The following ACSM6 variants were observed in gnomAD, a reference collection of about 807,000 sequenced individuals.
ACSM6 encodes acyl-coenzyme A synthetase ACSM6, mitochondrial.
ACSM6 carries 35 observed loss-of-function variants against 51.1 expected under a neutral mutation model. The ratio of observed to expected loss-of-function variants is 0.69; its 90% CI spans 0.52 to 0.91. ACSM6 has a LOEUF of 0.91. ACSM6 is among the 40% of genes least tolerant of loss of function. ACSM6 has a pLI of 0.00. For missense variants in ACSM6, 509 were observed against 584.1 expected, an observed-to-expected ratio of 0.87 and a Z score of 1.32; for synonymous variants, 172 against 207.3, an observed-to-expected ratio of 0.83 and a Z score of 1.46.
chr10:95,198,253 A>G (rs1471607210), intron 2 of ACSM6, among the ~76,000 whole-genome samples: 3 of 152,170 alleles, frequency 2.0e-5, no homozygotes, highest in African/African-American at 7.2e-5. Context: ...CAGGAAGCCA[A>G]AGAATTTGGA....
chr10:95,225,254 G>T (rs1290478122), intron 9 of ACSM6, 36 bp from the exon 10 acceptor site: 6 of 1,419,350 alleles, frequency 4.2e-6, no homozygotes, highest in Non-Finnish European at 5.8e-6. Flanking sequence ...CAAGTGGTTT[G>T]TAAGGAAAAT....
intron 8 of ACSM6, among the ~76,000 whole-genome samples, chr10:95,217,689 C>T (rs1203681548): frequency 6.6e-6 from 1 of 152,180 alleles, no homozygotes; most frequent in Non-Finnish European, 1.5e-5. Flanking sequence ...CTAAGAAAAC[C>T]TCAGACTGTG....
At chr10:95,220,394 T>C (rs1335492758) in intron 9 of ACSM6, among the ~76,000 whole-genome samples, 2 of 152,234 alleles carry the variant, frequency 1.3e-5, no homozygotes, top group African/African-American at 4.8e-5. Flanking sequence ...TTATAAATAC[T>C]GTAATGTGAT....
chr10:95,207,494 T>C, intron 4 of ACSM6, 79 bp downstream of exon 4: 1 of 1,428,544 alleles, frequency 7.0e-7, no homozygotes, highest in Admixed American at 1.7e-5. Flanking sequence ...GAGAAAGTGG[T>C]GTGAGTGGTC....
At chr10:95,194,438 T>G in intron 1 of ACSM6, 27 bp from the exon 2 acceptor site, 1 of 1,507,678 alleles carries the variant, frequency 6.6e-7, no homozygotes, top group Non-Finnish European at 9.0e-7. Context: ...GCTCAATTAC[T>G]CCCTGTCTTT....
intron 3 of ACSM6, among the ~76,000 whole-genome samples, chr10:95,202,610 T>C (rs1327422971): frequency 6.6e-6 from 1 of 152,044 alleles, no homozygotes; most frequent in East Asian, 1.9e-4. Context: ...TGGGCCTCAG[T>C]TTCCCCATCT....
chr10:95,195,448 T>C (rs1336459820), intron 2 of ACSM6, among the ~76,000 whole-genome samples: 1 of 152,094 alleles, frequency 6.6e-6, no homozygotes. Context: ...GGAAGAGTAT[T>C]GAGTTATGAG....
chr10:95,212,080 A>T (rs1364684641), intron 6 of ACSM6, 46 bp downstream of exon 6: 1 of 1,608,996 alleles, frequency 6.2e-7, no homozygotes, highest in Admixed American at 1.7e-5. Context: ...AAGGCCAGAG[A>T]GAGGCATTAG....
At chr10:95,204,415 G>A (rs1287034869) in intron 3 of ACSM6, among the ~76,000 whole-genome samples, 1 of 152,030 alleles carries the variant, frequency 6.6e-6, no homozygotes, top group Non-Finnish European at 1.5e-5. Flanking sequence ...TTAGCCAGAC[G>A]TGATGGTGGG....
At chr10:95,221,090 A>G (rs2034990870) in intron 9 of ACSM6, among the ~76,000 whole-genome samples, 1 of 152,294 alleles carries the variant, frequency 6.6e-6, no homozygotes, top group Admixed American at 6.5e-5. Flanking sequence ...ATAAACAAAA[A>G]TGAAATAAAT....
chr10:95,209,260 C>T (rs561896756), intron 4 of ACSM6, among the ~76,000 whole-genome samples: 2 of 152,050 alleles, frequency 1.3e-5, no homozygotes, highest in Non-Finnish European at 2.9e-5. Context: ...GAGGTGGGAG[C>T]GAGCTTAAAC....
At chr10:95,226,858 T>C (rs2035044609) in intron 10 of ACSM6, among the ~76,000 whole-genome samples, 3 of 152,218 alleles carry the variant, frequency 2.0e-5, no homozygotes. Context: ...ACATTTGATG[T>C]GTATATATCC....
chr10:95,228,428 T>C, intron 10 of ACSM6: 1 of 456,594 alleles, frequency 2.2e-6, no homozygotes, highest in Non-Finnish European at 3.7e-6. Flanking sequence ...CTCTTGTTTC[T>C]AGCTGGGACA....
rs187694129 is a variant in ACSM6, at chr10:95,216,956, A to C, written c.1119+1981A>C. Among the ~76,000 whole-genome samples, 248 of 152,318 alleles carry C rather than the reference A, an allele frequency of 1.6e-3. 1 individual carries two copies. Among genetic ancestry groups the C allele is most frequent in the African/African-American group, 5.3e-3 (219 of 41,554 alleles). On this transcript the variant is annotated intron_variant, in intron 8 of 10. Coordinates refer to ENST00000341686, the Ensembl canonical transcript of ACSM6. ...TAAGCAGGAAAGCTTATATGATGGA[A>C]ACACCACAGATAAGAATGTAGAGCT...
intron 10 of ACSM6, 188 bp from the exon 11 acceptor site, chr10:95,228,456 G>C (rs931188190): frequency 1.9e-6 from 1 of 526,454 alleles, no homozygotes; most frequent in Non-Finnish European, 3.2e-6. Context: ...AAAAGCTGAA[G>C]TTAAGAGAAA....
intron 9 of ACSM6, among the ~76,000 whole-genome samples, chr10:95,223,089 A>AT (rs2035008839): frequency 6.6e-6 from 1 of 151,872 alleles, no homozygotes; most frequent in African/African-American, 2.4e-5. Context: ...TGAAAGAGAT[A>AT]TTTTTTAATT....
intron 3 of ACSM6, among the ~76,000 whole-genome samples, chr10:95,205,119 C>A (rs1053098146): frequency 6.6e-6 from 1 of 152,140 alleles, no homozygotes; most frequent in Admixed American, 6.5e-5. Flanking sequence ...TTTTAAACTA[C>A]GCTGACATTA....
rs181758012 is a variant in ACSM6, at chr10:95,207,061, C to T, written c.404-147C>T. 1.1e-4 allele frequency: 73 copies of T among 688,364 alleles called. No homozygotes were observed. The African/African-American group carries it at 1.2e-3, about 11-fold the overall frequency. The allele number at this position is 688,364 out of a possible 1,614,324, so 42.6% of individuals were successfully genotyped here. A position where few individuals can be genotyped will look rare whatever the true frequency, so the allele number is the denominator to read the frequency against. On this transcript the variant is annotated intron_variant, in intron 3 of 10. Coordinates refer to ENST00000341686, the Ensembl canonical transcript of ACSM6. ...CCTGCCTGTCTCAGTTTTCCCCAGT[C>T]GCCATCGTGTTACTGACCCAATAGA...
chr10:95,220,017 T>A (rs2034982056), intron 9 of ACSM6, 46 bp downstream of exon 9: 1 of 1,475,238 alleles, frequency 6.8e-7, no homozygotes, highest in East Asian at 2.3e-5. Context: ...TTAAGTGAGC[T>A]CTTACAGTTG....
Sources: allele counts gnomAD v4.1 joint callset (sites outside exome capture counted in the v4.1 genomes callset), GRCh38; gene constraint gnomAD v4.1.1; transcripts MANE v1.5; gene names NCBI Gene and HGNC (gene_info 2026-07-23, HGNC 2026-07-21).